Variants in EHHADH observed in about 807,000 individuals in gnomAD.
EHHADH encodes the protein enoyl-CoA hydratase and 3-hydroxyacyl CoA dehydrogenase, also known as peroxisomal bifunctional enzyme.
Under a neutral mutation model 64.4 loss-of-function variants are expected in EHHADH, and 48 were observed. The ratio of observed to expected loss-of-function variants is 0.75; its 90% CI spans 0.59 to 0.95. The LOEUF is 0.95. Among genes scored for constraint, EHHADH ranks in the 40% least tolerant of loss-of-function variants. The pLI, the probability that EHHADH is intolerant of heterozygous loss-of-function variation, is 0.00. For missense variants in EHHADH, 854 were observed against 876.6 expected (o/e 0.97, Z 0.33); for synonymous variants, 308 against 326.7 (o/e 0.94, Z 0.62).
intron 5 of EHHADH, among the ~76,000 whole-genome samples, chr3:185,210,461 C>T (rs1245682413): frequency 4.6e-5 from 7 of 151,856 alleles, no homozygotes; most frequent in Non-Finnish European, 7.4e-5. Flanking sequence ...TAGTGAAACC[C>T]CGTCTCTACT....
intron 1 of EHHADH, 93 bp from the exon 2 acceptor site, chr3:185,248,610 A>G: frequency 1.2e-6 from 1 of 861,100 alleles, no homozygotes; most frequent in Non-Finnish European, 1.8e-6. Flanking sequence ...AAAATTAAAC[A>G]CACACATAAT....
In EHHADH at chr3:185,243,031, C is replaced by A. The variant is rs114726742; in HGVS notation, c.178+5383G>T. 4.8e-3 allele frequency among the ~76,000 whole-genome samples: 724 copies of A among 152,346 alleles called. 2 individuals carry two copies. Among genetic ancestry groups the A allele is most frequent in the Non-Finnish European group, 8.3e-3 (567 of 68,034 alleles). On this transcript the variant is annotated intron_variant, in intron 2 of 6. Transcript: ENST00000231887. ...CTGGGGACCCAGCAAGCTCCCAGGG[C>A]CTTTCCTGCTGCTTCCTCCACCCAT... is the stretch of plus-strand genomic sequence containing the variant.
At chr3:185,233,677 C>T (rs537636496) in intron 3 of EHHADH, among the ~76,000 whole-genome samples, 9 of 152,256 alleles carry the variant, frequency 5.9e-5, no homozygotes, top group Admixed American at 2.0e-4. Flanking sequence ...GATGGAGACC[C>T]GCTCTGTCAC....
intron 2 of EHHADH, among the ~76,000 whole-genome samples, chr3:185,246,726 AT>A (rs1321136578): frequency 6.6e-6 from 1 of 152,082 alleles, no homozygotes; most frequent in East Asian, 1.9e-4. Flanking sequence ...CTTGATTCAA[AT>A]GTTTTCTATT....
intron 4 of EHHADH, among the ~76,000 whole-genome samples, chr3:185,226,584 A>G (rs1718980645): frequency 6.6e-6 from 1 of 150,792 alleles, no homozygotes; most frequent in Non-Finnish European, 1.5e-5. Flanking sequence ...AGGAGATGGA[A>G]GTTACAGTGA....
intron 2 of EHHADH, among the ~76,000 whole-genome samples, chr3:185,236,389 C>CAA (rs1719296687): frequency 1.4e-5 from 2 of 142,258 alleles, no homozygotes; most frequent in Non-Finnish European, 3.2e-5. Flanking sequence ...AGGCCTGCAC[C>CAA]CCCACCCACT....
chr3:185,243,202 C>A (rs556754705), intron 2 of EHHADH, among the ~76,000 whole-genome samples: 39 of 152,318 alleles, frequency 2.6e-4, no homozygotes, highest in African/African-American at 9.1e-4. Context: ...TGGGCACTCA[C>A]AGTATTTGGG....
At chr3:185,250,749 G>T (rs1719724729) in intron 1 of EHHADH, among the ~76,000 whole-genome samples, 1 of 152,138 alleles carries the variant, frequency 6.6e-6, no homozygotes, top group Non-Finnish European at 1.5e-5. Context: ...TCTTAACCTA[G>T]ATGAAATCAG....
intron 1 of EHHADH, among the ~76,000 whole-genome samples, chr3:185,250,921 TGAG>T (rs1034993551): frequency 2.0e-5 from 3 of 152,214 alleles, no homozygotes; most frequent in Admixed American, 6.5e-5. Context: ...TCAGTGCCAC[TGAG>T]GAGAAGAAAC....
Position 185,192,240 on chromosome 3 carries a change from T to C in EHHADH, c.2158A>G (p.Ser720Gly). 6.2e-7 allele frequency: 1 copy of C among 1,613,304 alleles called. No homozygotes were observed. Among genetic ancestry groups the C allele is most frequent in the Non-Finnish European group, 8.5e-7 (1 of 1,179,660 alleles). Residue 720 changes from serine (S) to glycine (G), a missense_variant, in exon 7 of 7, where the codon AGC (serine) becomes GGC (glycine). Physicochemically the swap from Ser to Gly is moderately conservative, Grantham distance 56 (BLOSUM62 0). Transcript: ENST00000231887. ...GGAAGACTGAATCACAATTTACTGC[T>C]AGGGGAGCCTGCCAAGCTTTGCCAT... ...KEWQSLAGSP[S>G]SKL
rs1719791827 is a variant in EHHADH, at chr3:185,253,058, A to C, written c.74+891T>G. ...GCAAATACTCCCCAGTGAGAAAAAG[A>C]AGATAAGGTGCAATTTTTCAGAAAA... On this transcript the variant is annotated intron_variant, in intron 1 of 6. Transcript: ENST00000231887. Among the ~76,000 whole-genome samples, 4 of 151,978 alleles carry C rather than the reference A, an allele frequency of 2.6e-5. No homozygotes were observed. The South Asian group carries it at 8.3e-4, about 32-fold the overall frequency.
At chr3:185,238,813 A>G (rs1026852489) in intron 2 of EHHADH, among the ~76,000 whole-genome samples, 2 of 152,078 alleles carry the variant, frequency 1.3e-5, no homozygotes, top group Middle Eastern at 6.8e-3. Flanking sequence ...CCATTCATCT[A>G]TTTTTGTTTT....
chr3:185,252,237 TA>T (rs1413656706), intron 1 of EHHADH, among the ~76,000 whole-genome samples: 3 of 151,834 alleles, frequency 2.0e-5, no homozygotes, highest in Non-Finnish European at 4.4e-5. Context: ...CCGTCTCTAC[TA>T]AAATACAAAA....
rs3072431 is a variant in EHHADH, at chr3:185,251,608, ATGTGTGTG to A, written c.74+2333_74+2340del. Among the ~76,000 whole-genome samples, 80 of 149,304 alleles carry A rather than the reference ATGTGTGTG, an allele frequency of 5.4e-4. 1 individual carries two copies. Among genetic ancestry groups the A allele is most frequent in the Admixed American group, 6.0e-4 (9 of 14,982 alleles). ...TATTTGTTTTGGGGAAAAAATTTATATGTGTGTGTGTGTGTGTGTGTGTGTGTGTGTAT... is the reference window on the plus strand; with the variant it reads ...TATTTGTTTTGGGGAAAAAATTTATATGTGTGTGTGTGTGTGTGTGTGTAT... On this transcript the variant is annotated intron_variant, in intron 1 of 6. Transcript: ENST00000231887.
chr3:185,240,900 C>T (rs1165002227), intron 2 of EHHADH, among the ~76,000 whole-genome samples: 1 of 151,564 alleles, frequency 6.6e-6, no homozygotes, highest in Non-Finnish European at 1.5e-5. Flanking sequence ...TTTGGTGCAC[C>T]CATCACCCAA....
chr3:185,192,426 T>A lies in EHHADH; in HGVS notation c.1972A>T (p.Arg658Trp). Residue 658 changes from arginine to tryptophan, a missense_variant, in exon 7 of 7, where the codon AGG becomes TGG. Physicochemically the swap from Arg to Trp is moderately radical, Grantham distance 101. Coordinates refer to ENST00000231887, the MANE Select transcript of EHHADH (RefSeq NM_001966.4). ...TAGAACATGGGCCCGCCCTTGTGCCTTGGCCATCCATATCCATGTAAATAG... is the reference window on the plus strand; with the variant it reads ...TAGAACATGGGCCCGCCCTTGTGCCATGGCCATCCATATCCATGTAAATAG... ...VVYLHGYGWPRHKGGPMFYAS... is the reference protein window; with the variant it reads ...VVYLHGYGWPWHKGGPMFYAS... 6.2e-7 allele frequency: 1 copy of A among 1,614,232 alleles called. No homozygotes were observed. The highest frequency in any genetic ancestry group is 8.5e-7 in the Non-Finnish European group (1 of 1,180,042).
chr3:185,217,741 T>A (rs1004451412), intron 5 of EHHADH, among the ~76,000 whole-genome samples: 1 of 144,666 alleles, frequency 6.9e-6, no homozygotes, highest in African/African-American at 2.6e-5. Context: ...TTTTTCTTTA[T>A]AAATTACCCA....
At chr3:185,239,690 A>G (rs920600841) in intron 2 of EHHADH, among the ~76,000 whole-genome samples, 1 of 151,564 alleles carries the variant, frequency 6.6e-6, no homozygotes, top group Non-Finnish European at 1.5e-5. Flanking sequence ...AAGAGTCGTT[A>G]GGATTTTCTA....
At position 185,191,306 on chromosome 3, in the gene EHHADH, C is replaced by A. The variant is rs560360389; in HGVS notation, c.*920G>T. 1 of 152,016 alleles carries A rather than the reference C, an allele frequency of 6.6e-6. No individual in the cohort carries two copies. The highest frequency in any genetic ancestry group is 1.5e-5 in the Non-Finnish European group (1 of 68,014). 9.4% of individuals were successfully genotyped at this position (152,016 alleles called of 1,614,324 possible). On this transcript the variant is annotated 3_prime_UTR_variant, in exon 7 of 7. Transcript: ENST00000231887. ...TAATATAGTCCATTGTATGGATATA[C>A]CAGATTTGGTTTATCTATTCATTAG...
Sources: gnomAD v4.1 joint callset for allele counts (sites outside exome capture counted in the v4.1 genomes callset) on GRCh38, gnomAD v4.1.1 for gene constraint, MANE v1.5 for transcripts, NCBI Gene and HGNC (gene_info 2026-07-23, HGNC 2026-07-21) for gene names.